STS: variants seen among roughly 807,000 people sequenced by gnomAD.
The protein encoded by STS is steroid sulfatase.
A neutral mutation model predicts 26.8 loss-of-function variants in STS; 7 were observed. The observed-to-expected ratio is 0.26, with a 90% CI of 0.15 to 0.49. The LOEUF (loss-of-function observed/expected upper bound fraction) is 0.49, where lower values mean the gene tolerates loss of function less well. Among genes scored for constraint, STS ranks in the 20% least tolerant of loss-of-function variants. The pLI is 0.98. For missense variants in STS, 434 were observed against 465.6 expected (o/e 0.93, Z 0.63); for synonymous variants, 199 against 189.4 (o/e 1.05, Z -0.42).
chrX:7,227,204 G>C (rs1284705945), intron 2 of STS, among the ~76,000 whole-genome samples: 1 of 110,723 alleles, frequency 9.0e-6, no homozygotes, highest in African/African-American at 3.3e-5. Context: ...AAAAATAATT[G>C]TCTTACAAAT....
At chrX:7,185,799 T>A (rs1350250646) in intron 1 of STS, among the ~76,000 whole-genome samples, 1 of 112,632 alleles carries the variant, frequency 8.9e-6, no homozygotes, top group African/African-American at 3.2e-5. Context: ...TCTCAGGAAA[T>A]TCCTATTTGC....
At chrX:7,152,958 T>A (rs1408587733) in intron 1 of STS, among the ~76,000 whole-genome samples, 8 of 112,174 alleles carry the variant, frequency 7.1e-5, no homozygotes, top group African/African-American at 2.3e-4. Flanking sequence ...GTAATGTTAG[T>A]GCCTAAGTAG....
At chrX:7,161,242 C>T (rs1443177850) in intron 1 of STS, among the ~76,000 whole-genome samples, 22 of 111,124 alleles carry the variant, frequency 2.0e-4, no homozygotes, top group African/African-American at 6.9e-4. Context: ...GTTGGGATTA[C>T]ATGCATGAGC....
Position 7,172,572 on chromosome X carries a change from C to A in STS, c.-133-18308C>A, listed in dbSNP as rs775527106. ...GAGATGTGCATAATTATTTCGAAGA[C>A]ACAGCTAATAGAAAAGAGTAAGGGA... On this transcript the variant is annotated intron_variant, in intron 1 of 10. Coordinates refer to ENST00000674429, the MANE Select transcript of STS (RefSeq NM_001320752.2). 6.3e-5 allele frequency among the ~76,000 whole-genome samples: 7 copies of A among 111,481 alleles called. No homozygotes were observed. In the South Asian group the frequency reaches 2.7e-3, roughly 43 times the overall value.
At chrX:7,210,874 G>A (rs1256814568) in intron 2 of STS, among the ~76,000 whole-genome samples, 1 of 110,498 alleles carries the variant, frequency 9.0e-6, no homozygotes, top group Non-Finnish European at 1.9e-5. Context: ...TTAAAATTAT[G>A]TATATTTAGG....
chrX:7,341,872 G>A (rs1569232523), intron 10 of STS, among the ~76,000 whole-genome samples: 1 of 109,651 alleles, frequency 9.1e-6, no homozygotes, highest in African/African-American at 3.3e-5. Flanking sequence ...ACATGCAATG[G>A]CACGATCTCG....
At chrX:7,262,077 G>A (rs573112384) in intron 6 of STS, among the ~76,000 whole-genome samples, 26 of 112,086 alleles carry the variant, frequency 2.3e-4, no homozygotes, top group Non-Finnish European at 4.7e-4. Context: ...GCTGCCCAAC[G>A]GCTGAGGGAG....
chrX:7,339,193 C>T (rs1928171436), intron 10 of STS, among the ~76,000 whole-genome samples: 1 of 112,010 alleles, frequency 8.9e-6, no homozygotes, highest in African/African-American at 3.2e-5. Flanking sequence ...TTCATCATCA[C>T]TAGTAATTTT....
chrX:7,151,709 G>A (rs1425435451), intron 1 of STS, among the ~76,000 whole-genome samples: 3 of 110,952 alleles, frequency 2.7e-5, no homozygotes, highest in African/African-American at 9.9e-5. Context: ...GGCTCTGAGC[G>A]AGAGGTCCAG....
At chrX:7,202,738 C>G (rs1156580981) in intron 2 of STS, among the ~76,000 whole-genome samples, 1 of 111,071 alleles carries the variant, frequency 9.0e-6, no homozygotes. Context: ...GAGGGTGTTT[C>G]CAGAGGGCAT....
chrX:7,312,553 G>T (rs1926529765), intron 8 of STS, among the ~76,000 whole-genome samples: 1 of 111,152 alleles, frequency 9.0e-6, no homozygotes, highest in Non-Finnish European at 1.9e-5. Flanking sequence ...TGTCATGGGA[G>T]GCACCTGGTC....
chrX:7,184,468 G>A (rs1380568814), intron 1 of STS, among the ~76,000 whole-genome samples: 1 of 112,112 alleles, frequency 8.9e-6, no homozygotes, highest in Non-Finnish European at 1.9e-5. Flanking sequence ...GCAAGACAGG[G>A]GCTTCTGTAA....
intron 3 of STS, 152 bp downstream of exon 3, chrX:7,253,488 A>G (rs1923246881): frequency 2.5e-6 from 2 of 787,694 alleles, no homozygotes; most frequent in African/African-American, 4.0e-5. Flanking sequence ...ACTGAGATGT[A>G]GGTGTCATGA....
At chrX:7,173,292 A>T (rs183976048) in intron 1 of STS, among the ~76,000 whole-genome samples, 1 of 111,993 alleles carries the variant, frequency 8.9e-6, no homozygotes, top group African/African-American at 3.2e-5. Flanking sequence ...ATGGCTGCAT[A>T]GTATTCCATC....
intron 9 of STS, among the ~76,000 whole-genome samples, chrX:7,333,486 T>C (rs1296378472): frequency 2.7e-5 from 3 of 112,290 alleles, no homozygotes; most frequent in Non-Finnish European, 3.8e-5. Context: ...TTTGCATTCA[T>C]TGCAGTCTAC....
At chrX:7,206,390 G>A (rs965898459) in intron 2 of STS, among the ~76,000 whole-genome samples, 19 of 111,732 alleles carry the variant, frequency 1.7e-4, no homozygotes, top group South Asian at 7.3e-4. Context: ...ATCATGTTCC[G>A]CATGCCCAAA....
At chrX:7,345,089 G>A (rs1286941057) in intron 10 of STS, among the ~76,000 whole-genome samples, 2 of 111,179 alleles carry the variant, frequency 1.8e-5, no homozygotes, top group Non-Finnish European at 3.8e-5. Context: ...ACAGAATGAG[G>A]CCTTCGAGGA....
At chrX:7,248,928 G>A (rs943487144) in intron 2 of STS, among the ~76,000 whole-genome samples, 23 of 110,737 alleles carry the variant, frequency 2.1e-4, no homozygotes, top group African/African-American at 5.6e-4. Flanking sequence ...TTTAATGGGA[G>A]CAAGGCTTAT....
intron 8 of STS, among the ~76,000 whole-genome samples, chrX:7,316,298 C>T (rs1430920424): frequency 1.8e-5 from 2 of 111,766 alleles, no homozygotes; most frequent in Non-Finnish European, 3.8e-5. Flanking sequence ...GTGCTCACCC[C>T]ACCCCAAAAA....
Sources: gnomAD v4.1 joint callset for allele counts (sites outside exome capture counted in the v4.1 genomes callset) on GRCh38, gnomAD v4.1.1 for gene constraint, MANE v1.5 for transcripts, NCBI Gene and HGNC (gene_info 2026-07-23, HGNC 2026-07-21) for gene names.